The following COL22A1 variants were observed in gnomAD, a reference collection of about 807,000 sequenced individuals.
The protein encoded by COL22A1 is collagen alpha-1(XXII) chain.
In COL22A1, 221 loss-of-function variants were observed where a neutral mutation model predicts 248.9. The observed-to-expected ratio is 0.89, with a 90% CI of 0.80 to 0.99. The LOEUF is 0.99. Among genes scored for constraint, COL22A1 ranks in the 50% least tolerant of loss-of-function variants. COL22A1 has a pLI of 0.00. For missense variants in COL22A1, 2,240 were observed against 2,179.0 expected (o/e 1.03, Z -0.56); for synonymous variants, 891 against 793.4 (o/e 1.12, Z -2.07).
chr8:138,725,410 G>A lies in COL22A1; in HGVS notation c.2170C>T (p.Pro724Ser). 2 of 1,614,016 alleles carry A rather than the reference G, an allele frequency of 1.2e-6. No individual in the cohort carries two copies. Among genetic ancestry groups the A allele is most frequent in the Non-Finnish European group, 1.7e-6 (2 of 1,180,014 alleles). ...ACCGGAGAACCTCCCGGTCCAGGGG[G>A]GCCTGGGACACCAGGGGGTCCTGGA... Reference protein sequence around the residue: ...GPPGPPGVPGPPGPGGSPGLP... With the variant: ...GPPGPPGVPGSPGPGGSPGLP... The change falls in exon 24 of 65, where the codon CCC becomes TCC. Residue 724 changes from proline to serine, a missense_variant. Transcript: ENST00000303045.
At position 138,821,507 on chromosome 8, in the gene COL22A1, C is replaced by G. The variant is rs1419404890; in HGVS notation, c.970-96G>C. On this transcript the variant is annotated intron_variant, in intron 6 of 64. Transcript: ENST00000303045. ...GAGTTCAGAGTCAGACCTGGCAATC[C>G]TGAGTCAATCCTGGCTGTGACTCTT... 8 of 1,256,694 alleles carry G rather than the reference C, an allele frequency of 6.4e-6. No individual in the cohort carries two copies. In the Admixed American group the frequency reaches 1.5e-4, roughly 24 times the overall value. 77.8% of individuals were successfully genotyped at this position (1,256,694 alleles called of 1,614,324 possible). A position where few individuals can be genotyped will look rare whatever the true frequency, so the allele number is the denominator to read the frequency against.
At chr8:138,909,864 A>C (rs1490550868) in intron 1 of COL22A1, among the ~76,000 whole-genome samples, 1 of 152,200 alleles carries the variant, frequency 6.6e-6, no homozygotes, top group Admixed American at 6.5e-5. Flanking sequence ...GAGTGCTTCT[A>C]ATAACCAATA....
intron 6 of COL22A1, among the ~76,000 whole-genome samples, chr8:138,826,206 C>T (rs1473707328): frequency 1.3e-5 from 2 of 152,126 alleles, no homozygotes; most frequent in Non-Finnish European, 2.9e-5. Flanking sequence ...CTAAGAAAAC[C>T]AAGACTCAGA....
chr8:138,613,723 G>T lies in COL22A1; in HGVS notation c.3978+144C>A, dbSNP rs536345235. On this transcript the variant is annotated intron_variant, in intron 56 of 64. Coordinates refer to ENST00000303045, the MANE Select transcript of COL22A1 (RefSeq NM_152888.3). ...GGGGGAGGTGACTAGGGGGACTTAG[G>T]GGGGCAGCTATTTACCAACTGCTAA... 10 of 789,164 alleles carry T rather than the reference G, an allele frequency of 1.3e-5. No homozygotes were observed. In the African/African-American group the frequency reaches 1.5e-4, roughly 12 times the overall value. 48.9% of individuals were successfully genotyped at this position (789,164 alleles called of 1,614,324 possible).
At chr8:138,855,525 C>A (rs548151061) in intron 3 of COL22A1, among the ~76,000 whole-genome samples, 1 of 152,150 alleles carries the variant, frequency 6.6e-6, no homozygotes, top group African/African-American at 2.4e-5. Context: ...TCTTGTGCAT[C>A]GGAGCAGGAG....
intron 41 of COL22A1, among the ~76,000 whole-genome samples, chr8:138,670,994 G>C (rs1333056592): frequency 1.4e-5 from 2 of 138,424 alleles, no homozygotes; most frequent in South Asian, 4.8e-4. Context: ...AAAGCCACTG[G>C]TGAGTGTGAA....
At chr8:138,627,237 T>C (rs1468633540) in intron 50 of COL22A1, among the ~76,000 whole-genome samples, 3 of 152,212 alleles carry the variant, frequency 2.0e-5, no homozygotes, top group Admixed American at 2.0e-4. Flanking sequence ...TGGAGCTTCC[T>C]GGGTTCCTTC....
intron 23 of COL22A1, among the ~76,000 whole-genome samples, chr8:138,730,091 G>T (rs1830599100): frequency 6.6e-6 from 1 of 152,210 alleles, no homozygotes; most frequent in Non-Finnish European, 1.5e-5. Context: ...ATTTCCTAAA[G>T]CACTGACTAT....
At chr8:138,872,850 G>A (rs1020455528) in intron 3 of COL22A1, among the ~76,000 whole-genome samples, 12 of 152,302 alleles carry the variant, frequency 7.9e-5, no homozygotes, top group Admixed American at 2.6e-4. Flanking sequence ...CCTGAAATGC[G>A]TCTGTAATAA....
chr8:138,628,319 G>A (rs989943356), intron 50 of COL22A1, among the ~76,000 whole-genome samples: 1 of 150,664 alleles, frequency 6.6e-6, no homozygotes, highest in South Asian at 2.1e-4. Context: ...GGGCACCGTG[G>A]CTCATGCCTG....
At chr8:138,713,250 G>T (rs557668979) in intron 30 of COL22A1, among the ~76,000 whole-genome samples, 1 of 152,076 alleles carries the variant, frequency 6.6e-6, no homozygotes, top group Non-Finnish European at 1.5e-5. Flanking sequence ...GGGGTGGGGG[G>T]GCGGTGCTTT....
Position 138,835,777 on chromosome 8 carries a change from G to A in COL22A1, c.734-2627C>T, listed in dbSNP as rs530202776. On this transcript the variant is annotated intron_variant, in intron 4 of 64. Transcript: ENST00000303045. ...AAATGAGCTGTGTGGCCTTGAGTAC[G>A]AGCCTCAACCTCTCTGGGCTTATTT... Among the ~76,000 whole-genome samples, 24 of 152,302 alleles carry A rather than the reference G, an allele frequency of 1.6e-4. No individual in the cohort carries two copies. The South Asian group carries it at 2.7e-3, about 17-fold the overall frequency.
At chr8:138,845,277 C>CA (rs58579074) in intron 3 of COL22A1, among the ~76,000 whole-genome samples, 94,565 of 151,338 alleles carry the variant, frequency 0.62, 29,599 homozygotes, top group Middle Eastern at 0.78. Flanking sequence ...GAGGCCAAGA[C>CA]GGGGGGGGAT....
intron 10 of COL22A1, among the ~76,000 whole-genome samples, chr8:138,806,089 G>GGTGTGT (rs1817661143): frequency 1.2e-3 from 8 of 6,430 alleles, no homozygotes; most frequent in South Asian, 0.012. Context: ...TGTGTGTAAT[G>GGTGTGT]GTGTGTGATG....
chr8:138,761,695 T>C (rs1164042753), intron 17 of COL22A1, among the ~76,000 whole-genome samples: 1 of 152,172 alleles, frequency 6.6e-6, no homozygotes, highest in Non-Finnish European at 1.5e-5. Flanking sequence ...AATATGAATG[T>C]ATGATTTTAG....
chr8:138,777,895 T>C (rs2318334), intron 15 of COL22A1: 54,525 of 183,712 alleles, frequency 0.3, 8,935 homozygotes, highest in African/African-American at 0.43. Context: ...ACTTTGTTCC[T>C]CATACACCAT....
chr8:138,728,585 G>A (rs931710739), intron 23 of COL22A1, among the ~76,000 whole-genome samples: 4 of 151,814 alleles, frequency 2.6e-5, no homozygotes, highest in African/African-American at 7.3e-5. Flanking sequence ...TGCCCCTTGC[G>A]AACACCCTTG....
intron 64 of COL22A1, 86 bp downstream of exon 64, chr8:138,591,338 G>C: frequency 2.2e-6 from 2 of 906,862 alleles, no homozygotes; most frequent in Non-Finnish European, 3.2e-6. Flanking sequence ...TCCGCTCACT[G>C]CTGAGTCCTG....
At chr8:138,895,878 C>T (rs1360273771) in intron 1 of COL22A1, among the ~76,000 whole-genome samples, 1 of 152,086 alleles carries the variant, frequency 6.6e-6, no homozygotes, top group Non-Finnish European at 1.5e-5. Context: ...CTTCTGAAAA[C>T]CAGATAAAGA....
Sources: allele counts gnomAD v4.1 joint callset (sites outside exome capture counted in the v4.1 genomes callset), GRCh38; gene constraint gnomAD v4.1.1; transcripts MANE v1.5; gene names NCBI Gene and HGNC (gene_info 2026-07-23, HGNC 2026-07-21).